Variants in MCF2L2 observed in about 807,000 individuals in gnomAD.
The protein encoded by MCF2L2 is probable guanine nucleotide exchange factor MCF2L2.
A neutral mutation model predicts 150.2 loss-of-function variants in MCF2L2; 102 were observed. The observed-to-expected ratio is 0.68, with a 90% CI of 0.58 to 0.80. The LOEUF is 0.80. Ranked by LOEUF, MCF2L2 falls within the 30% of genes least tolerant of loss-of-function variation. The probability of loss-of-function intolerance (pLI) is 0.00; values close to 1 mark genes in which losing one functional copy is unlikely to be tolerated. For synonymous variants in MCF2L2, 465 were observed against 491.3 expected, an observed-to-expected ratio of 0.95 and a Z score of 0.71; for missense variants, 1,256 against 1,372.8, an observed-to-expected ratio of 0.91 and a Z score of 1.34.
intron 1 of MCF2L2, among the ~76,000 whole-genome samples, chr3:183,419,718 C>T (rs1441157288): frequency 6.6e-6 from 1 of 152,082 alleles, no homozygotes; most frequent in Non-Finnish European, 1.5e-5. Flanking sequence ...ACTAAAATTA[C>T]AAAAATTAGC....
At chr3:183,336,752 G>A (rs887287684) in intron 5 of MCF2L2, among the ~76,000 whole-genome samples, 2 of 151,816 alleles carry the variant, frequency 1.3e-5, no homozygotes, top group Non-Finnish European at 2.9e-5. Flanking sequence ...TACCCAGGAG[G>A]CTGAGGCAGG....
chr3:183,319,134 TG>T (rs1298104880), intron 6 of MCF2L2, among the ~76,000 whole-genome samples: 1 of 152,268 alleles, frequency 6.6e-6, no homozygotes, highest in African/African-American at 2.4e-5. Flanking sequence ...GCCACTGCTT[TG>T]TAGACTAAGT....
chr3:183,388,817 A>C (rs1713975657), intron 2 of MCF2L2, among the ~76,000 whole-genome samples: 1 of 152,194 alleles, frequency 6.6e-6, no homozygotes, highest in Non-Finnish European at 1.5e-5. Flanking sequence ...TGGGATGAGG[A>C]GCTTGGAGCA....
In MCF2L2 at chr3:183,281,079, T is replaced by TA. The variant is rs548383339; in HGVS notation, c.1777-4123dup. On this transcript the variant is annotated intron_variant, in intron 14 of 29. Coordinates refer to ENST00000328913, the MANE Select transcript of MCF2L2 (RefSeq NM_015078.4). ...AAAGGTTCAGCATTTTCTGGCATTG[T>TA]AAATTTAATTAATTAATTATGTAAA... Among the ~76,000 whole-genome samples, 1,143 of 151,876 alleles carry TA rather than the reference T, an allele frequency of 7.5e-3. 17 individuals are homozygous for TA. Among genetic ancestry groups the TA allele is most frequent in the African/African-American group, 0.026 (1,085 of 41,170 alleles).
At chr3:183,359,514 G>T (rs548500406) in intron 3 of MCF2L2, among the ~76,000 whole-genome samples, 4 of 152,242 alleles carry the variant, frequency 2.6e-5, no homozygotes, top group African/African-American at 7.2e-5. Context: ...ACTGTCTATG[G>T]CCATATCACC....
intron 2 of MCF2L2, among the ~76,000 whole-genome samples, chr3:183,387,082 C>T (rs1426945982): frequency 6.6e-6 from 1 of 151,996 alleles, no homozygotes; most frequent in African/African-American, 2.4e-5. Context: ...ATGGCAAAAC[C>T]CCATCTCTAC....
chr3:183,194,224 A>G (rs529201608), intron 26 of MCF2L2, among the ~76,000 whole-genome samples: 37 of 152,316 alleles, frequency 2.4e-4, no homozygotes, highest in Admixed American at 1.1e-3. Context: ...AAATGAGCTT[A>G]GAAAAACTAA....
chr3:183,386,408 C>T (rs1238864333), intron 2 of MCF2L2, among the ~76,000 whole-genome samples: 3 of 152,228 alleles, frequency 2.0e-5, no homozygotes, highest in African/African-American at 7.2e-5. Flanking sequence ...TCACAGGCTT[C>T]GCATCCAGAG....
chr3:183,183,693 C>T (rs1182558323), intron 27 of MCF2L2, among the ~76,000 whole-genome samples: 1 of 152,092 alleles, frequency 6.6e-6, no homozygotes, highest in Non-Finnish European at 1.5e-5. Flanking sequence ...AAGAAAAATG[C>T]CTGGTACATC....
Position 183,272,075 on chromosome 3 carries a change from C to T in MCF2L2, c.1862+4797G>A, listed in dbSNP as rs182010322. ...AACTGTCAGAGGTGATCTTTATTTT[C>T]TAAATATTTCAAACTTGAAAACAGA... is the stretch of plus-strand genomic sequence containing the variant. On this transcript the variant is annotated intron_variant, in intron 15 of 29. Coordinates refer to ENST00000328913, the MANE Select transcript of MCF2L2 (RefSeq NM_015078.4). 2.3e-4 allele frequency: 187 copies of T among 821,214 alleles called. 1 individual carries two copies. Among genetic ancestry groups the T allele is most frequent in the Non-Finnish European group, 2.5e-4 (166 of 666,730 alleles). 50.9% of individuals were successfully genotyped at this position (821,214 alleles called of 1,614,324 possible).
intron 14 of MCF2L2, among the ~76,000 whole-genome samples, chr3:183,277,337 CAAAA>C (rs540729678): frequency 2.8e-5 from 3 of 105,874 alleles, no homozygotes; most frequent in Non-Finnish European, 2.0e-5. Context: ...ATGCCATATC[CAAAA>C]AAAAAAAAAA....
intron 5 of MCF2L2, among the ~76,000 whole-genome samples, chr3:183,337,497 G>A (rs1417879784): frequency 6.9e-6 from 1 of 145,266 alleles, no homozygotes; most frequent in Non-Finnish European, 1.5e-5. Context: ...AGGTTGCAGT[G>A]AGCTGAAATT....
rs370103321 is a variant in MCF2L2, at chr3:183,207,854, C to T, written c.2497-31G>A. The T allele has an allele frequency of 7.1e-6, 11 of 1,540,050 alleles. No homozygotes were observed. The African/African-American group carries it at 1.5e-4, about 21-fold the overall frequency. ...GGAAACACACATACAGGAAAAGAAG[C>T]TGTAAAATTACTTGACAGAGAAAGA... On this transcript the variant is annotated intron_variant, in intron 22 of 29. Transcript: ENST00000328913.
rs1477834264 is a variant in MCF2L2, at chr3:183,289,122, T to C, written c.1774A>G (p.Lys592Glu). 1 of 1,607,176 alleles carries C rather than the reference T, an allele frequency of 6.2e-7. No individual in the cohort carries two copies. The highest frequency in any genetic ancestry group is 8.5e-7 in the Non-Finnish European group (1 of 1,173,930). Residue 592 changes from lysine (K) to glutamate (E), a missense_variant and splice_region_variant, in exon 14 of 30, where the codon AAG becomes GAG. Physicochemically the swap from Lys to Glu is moderately conservative, Grantham distance 56 (BLOSUM62 1). Coordinates refer to ENST00000328913, the MANE Select transcript of MCF2L2 (RefSeq NM_015078.4). ...AAGTAAAATAAAGGTAATTTTACCT[T>C]GACTTCAAATTTAGTCTCATCATCT... ...KEDDETKFEV[K>E]SEEIFESHHE...
chr3:183,400,305 AATAAAACACATAC>A, intron 1 of MCF2L2: 1 of 379,108 alleles, frequency 2.6e-6, no homozygotes, highest in Non-Finnish European at 5.3e-6. Context: ...AATGAGGAGA[AATAAAACACATAC>A]ATAAAACACA....
At chr3:183,240,500 G>A (rs9843860) in intron 15 of MCF2L2, among the ~76,000 whole-genome samples, 46,207 of 152,064 alleles carry the variant, frequency 0.3, 7,337 homozygotes, top group African/African-American at 0.39. Context: ...TTACAGGTGT[G>A]AGAAACCACG....
chr3:183,390,448 C>T (rs1314421276), intron 1 of MCF2L2, among the ~76,000 whole-genome samples: 1 of 152,116 alleles, frequency 6.6e-6, no homozygotes, highest in Non-Finnish European at 1.5e-5. Flanking sequence ...TACAAAGTTC[C>T]TCTAACCCTA....
At position 183,395,935 on chromosome 3, in the gene MCF2L2, A is replaced by G. The variant is rs867411867; in HGVS notation, c.77-6156T>C. Among the ~76,000 whole-genome samples the G allele has an allele frequency of 3.5e-3, 350 of 99,084 alleles. 12 individuals are homozygous for G. The highest frequency in any genetic ancestry group is 0.027 in the Admixed American group (236 of 8,694). The allele number at this position is 99,084 out of a possible 152,430, so 65.0% of individuals were successfully genotyped here. A position where few individuals can be genotyped will look rare whatever the true frequency, so the allele number is the denominator to read the frequency against. On this transcript the variant is annotated intron_variant, in intron 1 of 29. Transcript: ENST00000328913. ...ATCGTCTCAAAAAAAAAAAAAAAAA[A>G]AAAGAAAGAAAGAAAGAAAGAAAGA... is the stretch of plus-strand genomic sequence containing the variant.
At chr3:183,402,669 A>G (rs868517195) in intron 1 of MCF2L2, among the ~76,000 whole-genome samples, 13 of 151,964 alleles carry the variant, frequency 8.6e-5, no homozygotes, top group Non-Finnish European at 1.3e-4. Context: ...AATGCTTGAA[A>G]AAGAGAATTT....
Sources: gnomAD v4.1 joint callset for allele counts (sites outside exome capture counted in the v4.1 genomes callset) on GRCh38, gnomAD v4.1.1 for gene constraint, MANE v1.5 for transcripts, NCBI Gene and HGNC (gene_info 2026-07-23, HGNC 2026-07-21) for gene names.